Variants in TRIM44 observed in about 807,000 individuals in gnomAD.
TRIM44 encodes the protein tripartite motif-containing protein 44.
Under a neutral mutation model 37.4 loss-of-function variants are expected in TRIM44, and 13 were observed. That is an observed-to-expected ratio of 0.35 (90% CI 0.23 to 0.55). The LOEUF (loss-of-function observed/expected upper bound fraction) is 0.55. Ranked by LOEUF, TRIM44 falls within the 20% of genes least tolerant of loss-of-function variation. The probability of loss-of-function intolerance (pLI) is 0.89; values close to 1 mark genes in which losing one functional copy is unlikely to be tolerated. For missense variants in TRIM44, 426 were observed against 437.2 expected (o/e 0.97, Z 0.23); for synonymous variants, 175 against 157.2 (o/e 1.11, Z -0.85).
chr11:35,718,701 C>T (rs1295017730), intron 2 of TRIM44, among the ~76,000 whole-genome samples: 1 of 152,032 alleles, frequency 6.6e-6, no homozygotes, highest in East Asian at 1.9e-4. Context: ...CCCTAAAAAT[C>T]CTCTGTGCTC....
Position 35,685,940 on chromosome 11 carries a change from G to A in TRIM44, c.747+604G>A, listed in dbSNP as rs571627686. On this transcript the variant is annotated intron_variant, in intron 2 of 4. Transcript: ENST00000299413. ...TCCTCCCAAAGTGCTGGGACTACAG[G>A]TGTGAGCCACCGCACCAGCTGAGAA... Among the ~76,000 whole-genome samples the A allele has an allele frequency of 1.1e-4, 17 of 152,294 alleles. No homozygotes were observed. In the South Asian group the frequency reaches 2.3e-3, roughly 20 times the overall value.
At chr11:35,722,611 GT>G (rs1262649684) in intron 2 of TRIM44, among the ~76,000 whole-genome samples, 2 of 152,174 alleles carry the variant, frequency 1.3e-5, no homozygotes, top group African/African-American at 4.8e-5. Context: ...AACTGTCATG[GT>G]GCTGGTGGGA....
chr11:35,723,697 A>G (rs1403190913), intron 2 of TRIM44, among the ~76,000 whole-genome samples: 1 of 152,176 alleles, frequency 6.6e-6, no homozygotes, highest in East Asian at 1.9e-4. Context: ...TCAGCTTCCT[A>G]ACTGAACCAC....
chr11:35,671,122 T>G lies in TRIM44; in HGVS notation c.669+7342T>G, dbSNP rs868657312. Among the ~76,000 whole-genome samples, 4 of 152,330 alleles carry G rather than the reference T, an allele frequency of 2.6e-5. No individual in the cohort carries two copies. The Middle Eastern group carries it at 0.01, about 389-fold the overall frequency. ...CTGAGTTTAGGTACTTTCTAAGTATTGGGAATATAGCAGTGAACAAAATGA... is the reference window on the plus strand; with the variant it reads ...CTGAGTTTAGGTACTTTCTAAGTATGGGGAATATAGCAGTGAACAAAATGA... On this transcript the variant is annotated intron_variant, in intron 1 of 4. Coordinates refer to ENST00000299413, the MANE Select transcript of TRIM44 (RefSeq NM_017583.6).
At chr11:35,731,971 A>G (rs185596589) in intron 3 of TRIM44, among the ~76,000 whole-genome samples, 8 of 152,248 alleles carry the variant, frequency 5.3e-5, no homozygotes, top group East Asian at 3.9e-4. Context: ...ATAAGGTCCA[A>G]TTTCAGACTG....
intron 4 of TRIM44, among the ~76,000 whole-genome samples, chr11:35,754,772 G>A (rs1490560075): frequency 1.3e-5 from 2 of 150,832 alleles, no homozygotes; most frequent in Non-Finnish European, 2.9e-5. Context: ...TTTTGTTCTT[G>A]CAATAGTTTG....
At chr11:35,723,770 A>G (rs911547730) in intron 2 of TRIM44, among the ~76,000 whole-genome samples, 8 of 152,202 alleles carry the variant, frequency 5.3e-5, no homozygotes, top group Non-Finnish European at 8.8e-5. Flanking sequence ...ATCCATTTTT[A>G]GTTACTGGTA....
chr11:35,726,046 T>A lies in TRIM44; in HGVS notation c.870T>A (p.Ala290=). The change falls in exon 3 of 5, where the codon GCT becomes GCA. Residue 290 remains alanine, a synonymous_variant. Transcript: ENST00000299413. Reference sequence around the variant, plus strand: ...ACATCCAAGAGGCAATGGCCACAGCTCATGTGACTGAGATACTGGCAGACA... The same window carrying A: ...ACATCCAAGAGGCAATGGCCACAGCACATGTGACTGAGATACTGGCAGACA... ...LVDIQEAMAT[A]HVTEILADIQ... 6.2e-7 allele frequency: 1 copy of A among 1,614,096 alleles called. No homozygotes were observed. The highest frequency in any genetic ancestry group is 1.1e-5 in the South Asian group (1 of 91,074).
At chr11:35,705,976 G>T (rs1475676700) in intron 2 of TRIM44, among the ~76,000 whole-genome samples, 5 of 148,658 alleles carry the variant, frequency 3.4e-5, no homozygotes, top group African/African-American at 4.9e-5. Flanking sequence ...TCCAGGAGCT[G>T]GTTTTTTGAA....
intron 4 of TRIM44, among the ~76,000 whole-genome samples, chr11:35,782,649 T>C (rs1853080870): frequency 2.0e-5 from 3 of 152,118 alleles, no homozygotes; most frequent in Non-Finnish European, 4.4e-5. Flanking sequence ...AGAAGCACCA[T>C]GTCTCTATTA....
At chr11:35,712,280 G>A (rs1472423607) in intron 2 of TRIM44, among the ~76,000 whole-genome samples, 2 of 152,154 alleles carry the variant, frequency 1.3e-5, no homozygotes, top group Non-Finnish European at 2.9e-5. Context: ...AGACTCCCTA[G>A]TTAGCAGAAC....
chr11:35,786,663 T>G (rs976877998), intron 4 of TRIM44, among the ~76,000 whole-genome samples: 1 of 152,176 alleles, frequency 6.6e-6, no homozygotes, highest in Admixed American at 6.5e-5. Context: ...CAGAGAATCA[T>G]AATGCCTTCT....
At chr11:35,717,691 G>A (rs930703876) in intron 2 of TRIM44, among the ~76,000 whole-genome samples, 1 of 152,136 alleles carries the variant, frequency 6.6e-6, no homozygotes, top group Non-Finnish European at 1.5e-5. Flanking sequence ...CTGTGCCTCT[G>A]AGAACCAGGA....
At chr11:35,755,037 G>T (rs1453313425) in intron 4 of TRIM44, among the ~76,000 whole-genome samples, 1 of 152,154 alleles carries the variant, frequency 6.6e-6, no homozygotes, top group African/African-American at 2.4e-5. Flanking sequence ...GGATGGCTGG[G>T]TCAAATGGTA....
intron 4 of TRIM44, among the ~76,000 whole-genome samples, chr11:35,792,222 A>G (rs1853225265): frequency 6.6e-6 from 1 of 152,182 alleles, no homozygotes; most frequent in African/African-American, 2.4e-5. Context: ...GCTCCATGAA[A>G]ACAAGGACTT....
At position 35,794,305 on chromosome 11, in the gene TRIM44, A is replaced by G. The variant is rs192380446; in HGVS notation, c.1008-12053A>G. Among the ~76,000 whole-genome samples the G allele has an allele frequency of 2.4e-3, 359 of 152,350 alleles. 4 individuals carry two copies. Among genetic ancestry groups the G allele is most frequent in the Non-Finnish European group, 9.6e-4 (65 of 68,024 alleles). On this transcript the variant is annotated intron_variant, in intron 4 of 4. Coordinates refer to ENST00000299413, the MANE Select transcript of TRIM44 (RefSeq NM_017583.6). ...TGTTAGGGTAAGAGGTGGATAAAGT[A>G]TTAGAATCCAAGCCTGCCTTGAGAA...
chr11:35,769,845 T>C (rs1300709550), intron 4 of TRIM44, among the ~76,000 whole-genome samples: 1 of 152,230 alleles, frequency 6.6e-6, no homozygotes, highest in Non-Finnish European at 1.5e-5. Context: ...ATAACTGCAA[T>C]GGATGATGTC....
chr11:35,717,971 C>T (rs1290582521), intron 2 of TRIM44, among the ~76,000 whole-genome samples: 4 of 152,060 alleles, frequency 2.6e-5, no homozygotes, highest in African/African-American at 9.7e-5. Context: ...GTTGCCAAAA[C>T]AAGAGTGGAG....
At chr11:35,708,329 C>A (rs1405124963) in intron 2 of TRIM44, among the ~76,000 whole-genome samples, 1 of 151,822 alleles carries the variant, frequency 6.6e-6, no homozygotes, top group African/African-American at 2.4e-5. Flanking sequence ...ACTAGTTCAA[C>A]CATTATGGAA....
Sources: allele counts gnomAD v4.1 joint callset (sites outside exome capture counted in the v4.1 genomes callset), GRCh38; gene constraint gnomAD v4.1.1; transcripts MANE v1.5; gene names NCBI Gene and HGNC (gene_info 2026-07-23, HGNC 2026-07-21).